The following GLIS3 variants were observed in gnomAD, a reference collection of about 807,000 sequenced individuals.
The protein encoded by GLIS3 is GLIS family zinc finger 3, also known as zinc finger protein GLIS3.
A neutral mutation model predicts 78.6 loss-of-function variants in GLIS3; 53 were observed. The ratio of observed to expected loss-of-function variants is 0.67; its 90% CI spans 0.54 to 0.85. The LOEUF (loss-of-function observed/expected upper bound fraction) is 0.85. GLIS3 is among the 40% of genes least tolerant of loss of function. The pLI is 0.00. For missense variants in GLIS3, 1,703 were observed against 1,231.1 expected (o/e 1.38, Z -5.74); for synonymous variants, 684 against 509.9 (o/e 1.34, Z -4.60).
intron 8 of GLIS3, among the ~76,000 whole-genome samples, chr9:3,867,715 TTGTGTGTGTGTGTGCGTGCGTGTGTGTG>T (rs1257435253): frequency 6.2e-5 from 1 of 16,254 alleles, no homozygotes; most frequent in Admixed American, 9.1e-4. Flanking sequence ...TCAACAATTC[TTGTGTGTGTGTGTGCGTGCGTGTGTGTG>T]TGTGTGTGTG....
At chr9:4,362,694 C>T in the GLIS3 span, among the ~76,000 whole-genome samples, 37 of 152,310 alleles carry the variant, frequency 2.4e-4, no homozygotes, top group East Asian at 5.8e-4. Context: ...CCTCAGGTAA[C>T]GCCCCATCAA....
At chr9:4,006,396 A>C (rs1481549239) in intron 4 of GLIS3, among the ~76,000 whole-genome samples, 3 of 152,154 alleles carry the variant, frequency 2.0e-5, no homozygotes, top group Admixed American at 6.5e-5. Flanking sequence ...TAAATGGGTA[A>C]ACTAGTCAAG....
intron 1 of GLIS3, among the ~76,000 whole-genome samples, chr9:4,292,683 C>A (rs1003911288): frequency 3.3e-5 from 5 of 152,152 alleles, no homozygotes; most frequent in African/African-American, 9.7e-5. Context: ...TAAGTAATAA[C>A]TGATCAACCA....
At chr9:4,301,912 T>G (rs1424274286), upstream of GLIS3, among the ~76,000 whole-genome samples, 1 of 152,208 alleles carries the variant, frequency 6.6e-6, no homozygotes, top group African/African-American at 2.4e-5. Context: ...TCATTTTATT[T>G]AGGTGTGATT....
chr9:4,355,689 C>A, the GLIS3 span, among the ~76,000 whole-genome samples: 15 of 152,188 alleles, frequency 9.9e-5, no homozygotes, highest in Non-Finnish European at 1.8e-4. Flanking sequence ...ACTCAGCAAA[C>A]CTCTTGGCTA....
chr9:3,937,463 C>T (rs1230113042), intron 4 of GLIS3, among the ~76,000 whole-genome samples: 1 of 152,130 alleles, frequency 6.6e-6, no homozygotes, highest in Non-Finnish European at 1.5e-5. Context: ...CACCGTGAGC[C>T]ATCTGGCTCT....
chr9:4,215,667 A>G (rs1284766796), intron 2 of GLIS3, among the ~76,000 whole-genome samples: 1 of 152,200 alleles, frequency 6.6e-6, no homozygotes, highest in Non-Finnish European at 1.5e-5. Context: ...TGTTCCCATC[A>G]TCAGCTTCCA....
At chr9:4,213,794 A>G (rs886285789) in intron 2 of GLIS3, among the ~76,000 whole-genome samples, 3 of 152,308 alleles carry the variant, frequency 2.0e-5, no homozygotes, top group Non-Finnish European at 4.4e-5. Context: ...TCATTTATTC[A>G]TTCATCCAAT....
intron 8 of GLIS3, among the ~76,000 whole-genome samples, chr9:3,868,433 G>A (rs1028561296): frequency 2.7e-4 from 6 of 22,508 alleles, no homozygotes; most frequent in Non-Finnish European, 1.8e-3. Flanking sequence ...TAAAATACAA[G>A]CTTCAAATTG....
intron 3 of GLIS3, among the ~76,000 whole-genome samples, chr9:4,309,241 T>C (rs556620071): frequency 6.6e-6 from 1 of 152,144 alleles, no homozygotes; most frequent in Non-Finnish European, 1.5e-5. Context: ...GTCTACATAA[T>C]AGGCACTCAA....
chr9:3,962,604 T>C (rs1415408799), intron 4 of GLIS3, among the ~76,000 whole-genome samples: 1 of 152,222 alleles, frequency 6.6e-6, no homozygotes, highest in East Asian at 1.9e-4. Context: ...TCATAGTTTG[T>C]CACTGATGTC....
intron 2 of GLIS3, among the ~76,000 whole-genome samples, chr9:4,152,358 A>T (rs1189735935): frequency 6.6e-6 from 1 of 152,150 alleles, no homozygotes; most frequent in African/African-American, 2.4e-5. Context: ...GACATTCCCA[A>T]CTCTATAACA....
At chr9:3,859,483 T>G (rs954637627) in intron 8 of GLIS3, among the ~76,000 whole-genome samples, 1 of 152,184 alleles carries the variant, frequency 6.6e-6, no homozygotes, top group African/African-American at 2.4e-5. Flanking sequence ...TAAATTAAAT[T>G]TTTTTGATGC....
intron 4 of GLIS3, among the ~76,000 whole-genome samples, chr9:4,001,936 A>T (rs1020003634): frequency 2.0e-5 from 3 of 152,182 alleles, no homozygotes; most frequent in African/African-American, 7.2e-5. Context: ...GGTGGTTCTC[A>T]CTAGTCCCAC....
At chr9:4,251,180 T>G (rs539356259) in intron 2 of GLIS3, among the ~76,000 whole-genome samples, 1 of 152,304 alleles carries the variant, frequency 6.6e-6, no homozygotes, top group East Asian at 1.9e-4. Context: ...TCTGTCCCAT[T>G]GATCTGTCTA....
the GLIS3 span, among the ~76,000 whole-genome samples, chr9:4,459,115 G>A: frequency 6.6e-6 from 1 of 152,206 alleles, no homozygotes; most frequent in Admixed American, 6.5e-5. Context: ...CCATGTGTAG[G>A]GGGCAAGAGT....
the GLIS3 span, among the ~76,000 whole-genome samples, chr9:4,361,689 C>G: frequency 6.6e-6 from 1 of 152,228 alleles, no homozygotes; most frequent in African/African-American, 2.4e-5. Flanking sequence ...TTTGACCTTG[C>G]TCTGACCTCG....
chr9:4,376,535 G>C, the GLIS3 span, among the ~76,000 whole-genome samples: 2 of 117,290 alleles, frequency 1.7e-5, no homozygotes, highest in Non-Finnish European at 3.9e-5. Flanking sequence ...TAAAAGACAA[G>C]CAAACCTGAC....
chr9:4,422,853 ACAAGGCAAAGACC>A, the GLIS3 span, among the ~76,000 whole-genome samples: 1 of 152,200 alleles, frequency 6.6e-6, no homozygotes, highest in Non-Finnish European at 1.5e-5. Flanking sequence ...CATTTAAGAC[ACAAGGCAAAGACC>A]CTGAGATAGA....
Sources: allele counts gnomAD v4.1 joint callset (sites outside exome capture counted in the v4.1 genomes callset), GRCh38; gene constraint gnomAD v4.1.1; transcripts MANE v1.5; gene names NCBI Gene and HGNC (gene_info 2026-07-23, HGNC 2026-07-21).